The following SCN9A variants were observed in gnomAD, a reference collection of about 807,000 sequenced individuals.
SCN9A encodes sodium voltage-gated channel alpha subunit 9, also known as sodium channel protein type 9 subunit alpha.
In SCN9A, 131 loss-of-function variants were observed where a neutral mutation model predicts 187.0. That is an observed-to-expected ratio of 0.70 (90% confidence interval 0.61 to 0.81). The LOEUF (loss-of-function observed/expected upper bound fraction) is 0.81. Among genes scored for constraint, SCN9A ranks in the 30% least tolerant of loss-of-function variants. The pLI is 0.00. For synonymous variants in SCN9A, 809 were observed against 808.6 expected (o/e 1.00, Z -0.01); for missense variants, 2,252 against 2,396.6 (o/e 0.94, Z 1.26).
intron 1 of SCN9A, among the ~76,000 whole-genome samples, chr2:166,352,672 G>A (rs981720224): frequency 3.9e-5 from 6 of 152,070 alleles, no homozygotes; most frequent in African/African-American, 1.4e-4. Context: ...TAACATTGTG[G>A]GATATTCTTC....
intron 1 of SCN9A, among the ~76,000 whole-genome samples, chr2:166,331,620 A>G (rs1699505260): frequency 6.6e-6 from 1 of 152,136 alleles, no homozygotes; most frequent in Non-Finnish European, 1.5e-5. Context: ...CATATGATTC[A>G]CTCTTCTTTA....
chr2:166,340,541 C>CCTTTCTTTCTTT (rs201511761), intron 1 of SCN9A, among the ~76,000 whole-genome samples: 1,043 of 67,622 alleles, frequency 0.015, 13 homozygotes, highest in East Asian at 0.023. Context: ...CTTTTCTTTC[C>CCTTTCTTTCTTT]CTTTCTTTCT....
At chr2:166,299,860 G>A (rs1698477938) in intron 7 of SCN9A, among the ~76,000 whole-genome samples, 2 of 150,636 alleles carry the variant, frequency 1.3e-5, no homozygotes, top group African/African-American at 5.0e-5. Context: ...CTCTACAAAT[G>A]TGTCCACCAT....
chr2:166,316,797 C>G (rs1020644528), intron 1 of SCN9A, among the ~76,000 whole-genome samples: 1 of 152,138 alleles, frequency 6.6e-6, no homozygotes, highest in African/African-American at 2.4e-5. Context: ...AATTTTCCTT[C>G]TAGGAATTTA....
At chr2:166,254,873 A>C (rs1381519119) in intron 17 of SCN9A, among the ~76,000 whole-genome samples, 1 of 151,482 alleles carries the variant, frequency 6.6e-6, no homozygotes, top group Non-Finnish European at 1.5e-5. Context: ...TAAGCATAGG[A>C]TCAAGAAGGT....
chr2:166,305,261 C>A (rs183026897), intron 5 of SCN9A, among the ~76,000 whole-genome samples: 9 of 151,836 alleles, frequency 5.9e-5, no homozygotes, highest in African/African-American at 2.2e-4. Context: ...TAAAATTATA[C>A]TGTAATGTAA....
Position 166,233,428 on chromosome 2 carries a change from C to G in SCN9A, c.3836G>C (p.Gly1279Ala). The change falls in exon 21 of 27, where the codon GGC becomes GCC. Residue 1279 changes from glycine to alanine, a missense_variant. By Grantham distance (60) the Gly-to-Ala change is moderately conservative (BLOSUM62 0). Transcript: ENST00000642356. ...SLVTLVANTL[G>A]YSDLGPIKSL... ...TTTAATGGGGCCAAGATCTGAGTAG[C>G]CAAGAGTGTTTGCCACTAAAGTAAC... 6.3e-7 allele frequency: 1 copy of G among 1,578,430 alleles called. No homozygotes were observed. The highest frequency in any genetic ancestry group is 8.6e-7 in the Non-Finnish European group (1 of 1,167,660).
chr2:166,203,921 CA>C, intron 26 of SCN9A, 33 bp downstream of exon 26: 2 of 1,359,044 alleles, frequency 1.5e-6, no homozygotes, highest in Non-Finnish European at 2.0e-6. Context: ...TAGCTTTACT[CA>C]AAAAATAAAA....
At position 166,307,026 on chromosome 2, in the gene SCN9A, T is replaced by C. The variant is rs759054169; in HGVS notation, c.307A>G (p.Thr103Ala). ...KGKTIFRFNATPALYMLSPFS... is the reference protein window; with the variant it reads ...KGKTIFRFNAAPALYMLSPFS... The stretch of plus-strand genomic sequence containing the variant: ...GGAGAAAGCATATATAAAGCAGGTG[T>C]GGCATTGAAACGGAAGATTGTTTTC... Residue 103 changes from threonine to alanine, a missense_variant, in exon 3 of 27, where the codon ACA (threonine) becomes GCA (alanine). Coordinates refer to ENST00000642356, the MANE Select transcript of SCN9A (RefSeq NM_001365536.1). 1 of 1,612,176 alleles carries C rather than the reference T, an allele frequency of 6.2e-7. No individual in the cohort carries two copies. The highest frequency in any genetic ancestry group is 8.5e-7 in the Non-Finnish European group (1 of 1,178,454).
chr2:166,273,498 A>G (rs191964185), intron 16 of SCN9A, among the ~76,000 whole-genome samples: 2 of 152,292 alleles, frequency 1.3e-5, no homozygotes, highest in African/African-American at 4.8e-5. Flanking sequence ...TTCACATGCA[A>G]TAATGGCATT....
intron 1 of SCN9A, among the ~76,000 whole-genome samples, chr2:166,315,443 C>A (rs908956513): frequency 2.0e-5 from 3 of 152,140 alleles, no homozygotes; most frequent in African/African-American, 7.2e-5. Flanking sequence ...ATGAAAAAAG[C>A]AGAGGCAAAG....
At chr2:166,291,754 C>A (rs528427043) in intron 9 of SCN9A, among the ~76,000 whole-genome samples, 1 of 152,260 alleles carries the variant, frequency 6.6e-6, no homozygotes, top group African/African-American at 2.4e-5. Flanking sequence ...ATAGAGACCT[C>A]AGAAATAACA....
chr2:166,219,349 T>G (rs1173611299), intron 24 of SCN9A, among the ~76,000 whole-genome samples: 1 of 151,994 alleles, frequency 6.6e-6, no homozygotes, highest in Non-Finnish European at 1.5e-5. Context: ...TGGATAAAGA[T>G]AATGTGGTAA....
intron 24 of SCN9A, among the ~76,000 whole-genome samples, chr2:166,208,544 A>ATAACTC (rs575317579): frequency 6.6e-6 from 1 of 151,946 alleles, no homozygotes; most frequent in Admixed American, 6.6e-5. Flanking sequence ...ATATATTTGT[A>ATAACTC]TATCATGTAA....
chr2:166,338,086 TCTC>T (rs1699672918), intron 1 of SCN9A, among the ~76,000 whole-genome samples: 1 of 152,062 alleles, frequency 6.6e-6, no homozygotes, highest in Non-Finnish European at 1.5e-5. Context: ...TGCCAGGCAT[TCTC>T]CTTGTATGGG....
intron 1 of SCN9A, among the ~76,000 whole-genome samples, chr2:166,341,380 CATGT>C (rs1699781446): frequency 6.6e-6 from 1 of 152,152 alleles, no homozygotes; most frequent in African/African-American, 2.4e-5. Flanking sequence ...GTTACCAAGT[CATGT>C]TTAAGGAAAC....
intron 21 of SCN9A, among the ~76,000 whole-genome samples, chr2:166,232,846 T>A (rs1028730038): frequency 8.8e-5 from 13 of 147,694 alleles, no homozygotes; most frequent in Admixed American, 1.4e-4. Flanking sequence ...ATATATAGTC[T>A]TTCATATTCT....
chr2:166,286,623 C>T lies in SCN9A; in HGVS notation c.1315G>A (p.Ala439Thr). 1 of 1,532,540 alleles carries T rather than the reference C, an allele frequency of 6.5e-7. No individual in the cohort carries two copies. The highest frequency in any genetic ancestry group is 8.7e-7 in the Non-Finnish European group (1 of 1,145,346). The allele number at this position is 1,532,540 out of a possible 1,614,324, so 94.9% of individuals were successfully genotyped here. The change falls in exon 11 of 27, where the codon GCA (alanine) becomes ACA (threonine). Residue 439 changes from alanine to threonine, a missense_variant and splice_region_variant. Transcript: ENST00000642356. ...RLKKEQEEAE[A>T]IAAAAAEYTS... ...TATTCAGCCGCTGCCGCTGCAATTG[C>T]CTGGTTGGGCCAAGACGTTAACACT...
chr2:166,312,837 A>G (rs1026908027), intron 1 of SCN9A, among the ~76,000 whole-genome samples: 14 of 149,914 alleles, frequency 9.3e-5, no homozygotes, highest in African/African-American at 2.9e-4. Flanking sequence ...TTCCTGAGCT[A>G]TAAGTATCAA....
Sources: allele counts gnomAD v4.1 joint callset (sites outside exome capture counted in the v4.1 genomes callset), GRCh38; gene constraint gnomAD v4.1.1; transcripts MANE v1.5; gene names NCBI Gene and HGNC (gene_info 2026-07-23, HGNC 2026-07-21).